PCDHGB7: variants seen among roughly 807,000 people sequenced by gnomAD.
PCDHGB7 encodes the protein protocadherin gamma-B7.
In PCDHGB7, 37 loss-of-function variants were observed where a neutral mutation model predicts 61.4. The ratio of observed to expected loss-of-function variants is 0.60; its 90% CI spans 0.46 to 0.79. The LOEUF is 0.79. Ranked by LOEUF, PCDHGB7 falls within the 30% of genes least tolerant of loss-of-function variation. The pLI is 0.00. For synonymous variants in PCDHGB7, 464 were observed against 503.5 expected, an observed-to-expected ratio of 0.92 and a Z score of 1.05; for missense variants, 1,166 against 1,202.5, an observed-to-expected ratio of 0.97 and a Z score of 0.45.
intron 3 of PCDHGB7, 88 bp from the exon 4 acceptor site, chr5:141,510,859 A>G: frequency 6.2e-7 from 1 of 1,606,096 alleles, no homozygotes; most frequent in Non-Finnish European, 8.5e-7. Context: ...GGTGCTGTAT[A>G]GGCATTCATT....
rs1191643556 is a variant in PCDHGB7 at position 141,486,302 on chromosome 5, C to A, written c.2416-8505C>A. On this transcript the variant is annotated intron_variant, in intron 1 of 3. Transcript: ENST00000398594. The surrounding 1 kb of genome is among the most constrained non-coding windows in gnomAD (Gnocchi z 5.0). ...GGTGGCACTTATCAGTGTGCAGGAT[C>A]CAGACTCAGGGTCAAACGGAGATGT... The A allele has an allele frequency of 6.2e-7, 1 of 1,614,036 alleles. No individual in the cohort carries two copies. The highest frequency in any genetic ancestry group is 8.5e-7 in the Non-Finnish European group (1 of 1,179,994).
At chr5:141,506,092 G>A (rs1595997534) in intron 3 of PCDHGB7, among the ~76,000 whole-genome samples, 1 of 152,142 alleles carries the variant, frequency 6.6e-6, no homozygotes, top group Admixed American at 6.6e-5. Flanking sequence ...TTCGGCTAGT[G>A]GTGGTTGTCC....
rs767190243 is a variant in PCDHGB7 at position 141,419,662 on chromosome 5, T to C, written c.1803T>C (p.Asn601=). 140 of 1,612,700 alleles carry C rather than the reference T, an allele frequency of 8.7e-5. No homozygotes were observed. The highest frequency in any genetic ancestry group is 2.2e-5 in the South Asian group (2 of 91,022). The part of the protein sequence containing the change: ...VVAVDADSGH[N]AWLSYHVVQA... ...CCGTGGACGCGGACTCGGGGCACAA[T>C]GCCTGGCTGTCCTACCACGTGGTGC... Residue 601 remains asparagine, a synonymous_variant, in exon 1 of 4, where the codon AAT becomes AAC. Coordinates refer to ENST00000398594, the MANE Select transcript of PCDHGB7 (RefSeq NM_018927.4).
chr5:141,423,035 C>T (rs1220219512), intron 1 of PCDHGB7: 2 of 1,614,214 alleles, frequency 1.2e-6, no homozygotes, highest in Admixed American at 3.3e-5. Flanking sequence ...GGCCAGAACG[C>T]CTGGCTGTCC....
In PCDHGB7 at chr5:141,431,553, A is replaced by G; in HGVS notation, c.2415+11279A>G. ...TTGGGCACGCAGCTGCTTGTAGTCA[A>G]CGCTACCGACCCTGACGAAGGAGTC... On this transcript the variant is annotated intron_variant, in intron 1 of 3. Transcript: ENST00000398594. The surrounding 1 kb of genome is among the most constrained non-coding windows in gnomAD (Gnocchi z 4.8). 1.2e-6 allele frequency: 2 copies of G among 1,614,112 alleles called. No individual in the cohort carries two copies. Among genetic ancestry groups the G allele is most frequent in the Non-Finnish European group, 1.7e-6 (2 of 1,180,020 alleles).
intron 1 of PCDHGB7, chr5:141,427,054 C>T (rs1235803553): frequency 4.4e-6 from 2 of 457,580 alleles, no homozygotes; most frequent in Admixed American, 4.7e-5. Context: ...CCCCCAGGCA[C>T]CTCTGTACTA....
rs1467738404 is a variant in PCDHGB7 at position 141,430,698 on chromosome 5, G to A, written c.2415+10424G>A. On this transcript the variant is annotated intron_variant, in intron 1 of 3. Coordinates refer to ENST00000398594, the MANE Select transcript of PCDHGB7 (RefSeq NM_018927.4). The stretch of plus-strand genomic sequence containing the variant: ...CAACTGTCCCATTCTATGGGCGAAG[G>A]AACTGCTCCTGACTTCAGTGGTTAA... 4.1e-6 allele frequency: 6 copies of A among 1,451,686 alleles called. No homozygotes were observed. The South Asian group carries it at 7.8e-5, about 19-fold the overall frequency. The allele number at this position is 1,451,686 out of a possible 1,614,324, so 89.9% of individuals were successfully genotyped here.
At chr5:141,421,213 G>C (rs916345810) in intron 1 of PCDHGB7, 3 of 1,548,472 alleles carry the variant, frequency 1.9e-6, no homozygotes, top group Admixed American at 4.1e-5. Context: ...GCGGAATATC[G>C]GCTTAGAGCC....
chr5:141,457,127 C>G (rs2098910262), intron 1 of PCDHGB7, among the ~76,000 whole-genome samples: 1 of 152,200 alleles, frequency 6.6e-6, no homozygotes, highest in Admixed American at 6.5e-5. Flanking sequence ...AATGGAAACT[C>G]TGTCCAATAT....
In PCDHGB7 at chr5:141,476,101, A is replaced by G; in HGVS notation, c.2416-18706A>G. The G allele has an allele frequency of 6.3e-7, 1 of 1,576,386 alleles. No individual in the cohort carries two copies. Among genetic ancestry groups the G allele is most frequent in the East Asian group, 2.2e-5 (1 of 44,540 alleles). On this transcript the variant is annotated intron_variant, in intron 1 of 3. Coordinates refer to ENST00000398594, the MANE Select transcript of PCDHGB7 (RefSeq NM_018927.4). This position sits in a 1 kb window ranked among gnomAD's most constrained non-coding sequence, Gnocchi z 7.6. ...GACGATCTGGACCCCGCTGAGAGGA[A>G]CTGCTTTTGAGTGAGATGGTCCCAG... is the stretch of plus-strand genomic sequence containing the variant.
intron 1 of PCDHGB7, among the ~76,000 whole-genome samples, chr5:141,484,627 A>G (rs866882607): frequency 5.3e-5 from 8 of 152,162 alleles, no homozygotes; most frequent in Middle Eastern, 3.4e-3. Flanking sequence ...TGGCTTGAAC[A>G]AAGTGACCAC....
Position 141,432,151 on chromosome 5 carries a change from C to T in PCDHGB7, c.2415+11877C>T. 2 of 1,614,122 alleles carry T rather than the reference C, an allele frequency of 1.2e-6. No homozygotes were observed. The highest frequency in any genetic ancestry group is 2.2e-5 in the South Asian group (2 of 91,066). ...CCTATTCCGCTTATATCCCAGAGAA[C>T]AATCCCAGAGGAGTTTCCCTCGTCT... On this transcript the variant is annotated intron_variant, in intron 1 of 3. Transcript: ENST00000398594. The surrounding 1 kb of genome is among the most constrained non-coding windows in gnomAD (Gnocchi z 6.0).
rs757065593 is a variant in PCDHGB7, at chr5:141,418,576, C to G, written c.717C>G (p.Pro239=). 1.5e-5 allele frequency: 25 copies of G among 1,614,012 alleles called. No homozygotes were observed. In the South Asian group the frequency reaches 2.7e-4, roughly 18 times the overall value. The change falls in exon 1 of 4, where the codon CCC becomes CCG. Residue 239 remains proline, a synonymous_variant. Transcript: ENST00000398594. ...RILVIDANDN[P]PVFSQDVYRV... ...TGGTAATAGATGCCAATGACAACCCCCCAGTGTTCAGCCAGGACGTGTACA... is the reference window on the plus strand; with the variant it reads ...TGGTAATAGATGCCAATGACAACCCGCCAGTGTTCAGCCAGGACGTGTACA...
chr5:141,429,376 T>TG (rs2097206796), intron 1 of PCDHGB7, among the ~76,000 whole-genome samples: 1 of 144,558 alleles, frequency 6.9e-6, no homozygotes, highest in Non-Finnish European at 1.5e-5. Context: ...GGAGAAAATG[T>TG]GTTTTTTTTT....
intron 1 of PCDHGB7, chr5:141,421,236 TCGGCTACAG>T (rs761399164): frequency 3.8e-5 from 60 of 1,594,916 alleles, no homozygotes; most frequent in Non-Finnish European, 5.1e-5. Flanking sequence ...CCATGGCGAA[TCGGCTACAG>T]CGCGGGGACC....
chr5:141,487,397 G>C lies in PCDHGB7; in HGVS notation c.2416-7410G>C. On this transcript the variant is annotated intron_variant, in intron 1 of 3. Coordinates refer to ENST00000398594, the MANE Select transcript of PCDHGB7 (RefSeq NM_018927.4). The surrounding 1 kb of genome is among the most constrained non-coding windows in gnomAD (Gnocchi z 5.0). ...TCTCACCAGATCTCGAAGGAGGGAG[G>C]GGCTTCCCCCTTCCAATGGGATCCT... The C allele has an allele frequency of 6.2e-7, 1 of 1,614,062 alleles. No homozygotes were observed. The highest frequency in any genetic ancestry group is 8.5e-7 in the Non-Finnish European group (1 of 1,180,008).
At chr5:141,420,417 A>C (rs112493756) in intron 1 of PCDHGB7, 143 bp downstream of exon 1, 20 of 1,211,742 alleles carry the variant, frequency 1.7e-5, no homozygotes, top group Admixed American at 1.1e-4. Flanking sequence ...ATCATTATTA[A>C]AACAAAAGTT....
chr5:141,433,374 T>A (rs948922353), intron 1 of PCDHGB7, among the ~76,000 whole-genome samples: 36 of 150,958 alleles, frequency 2.4e-4, no homozygotes, highest in African/African-American at 8.6e-4. Flanking sequence ...TATCTATCTA[T>A]CTATCTATCT....
At chr5:141,423,940 G>T in intron 1 of PCDHGB7, 1 of 1,217,216 alleles carries the variant, frequency 8.2e-7, no homozygotes, top group Non-Finnish European at 1.0e-6. Context: ...TTTGAAGTAA[G>T]TTGAATTTTA....
Sources: gnomAD v4.1 joint callset for allele counts (sites outside exome capture counted in the v4.1 genomes callset) on GRCh38, gnomAD v4.1.1 for gene constraint, Gnocchi (gnomAD v3.1) non-coding constraint, MANE v1.5 for transcripts, NCBI Gene and HGNC (gene_info 2026-07-23, HGNC 2026-07-21) for gene names.